Variants in ZNF423 observed in about 807,000 individuals in gnomAD.
ZNF423 encodes zinc finger protein 423.
ZNF423 carries 12 observed loss-of-function variants against 95.8 expected under a neutral mutation model. That is an observed-to-expected ratio of 0.13 (90% confidence interval 0.08 to 0.20). The LOEUF is 0.20. ZNF423 is among the 10% of genes least tolerant of loss of function. ZNF423 has a pLI of 1.00. For synonymous variants in ZNF423, 749 were observed against 711.9 expected (o/e 1.05, Z -0.83); for missense variants, 1,316 against 1,737.1 (o/e 0.76, Z 4.31).
At chr16:49,850,685 G>C (rs1247067470) in intron 1 of ZNF423, among the ~76,000 whole-genome samples, 1 of 152,168 alleles carries the variant, frequency 6.6e-6, no homozygotes, top group East Asian at 1.9e-4. Flanking sequence ...AAAAACGATG[G>C]GGCCATCAGG....
At chr16:49,854,747 C>T (rs1416402954) in intron 1 of ZNF423, 13 of 985,266 alleles carry the variant, frequency 1.3e-5, no homozygotes, top group Non-Finnish European at 1.6e-5. Context: ...GGCCTTTCCC[C>T]GGGGCCTCTA....
chr16:49,535,649 TC>T (rs941493529), intron 5 of ZNF423, among the ~76,000 whole-genome samples: 6 of 152,180 alleles, frequency 3.9e-5, no homozygotes, highest in African/African-American at 1.4e-4. Context: ...TCAGAACTTC[TC>T]TGCCTGCACA....
intron 3 of ZNF423, among the ~76,000 whole-genome samples, chr16:49,692,891 C>A (rs1265169740): frequency 1.3e-5 from 2 of 152,242 alleles, no homozygotes; most frequent in Non-Finnish European, 2.9e-5. Flanking sequence ...ATTTCCTTCA[C>A]CCCTGTGTCC....
chr16:49,815,899 TATATATATATATATA>T (rs1567356357), intron 1 of ZNF423, among the ~76,000 whole-genome samples: 4 of 49,482 alleles, frequency 8.1e-5, no homozygotes, highest in South Asian at 9.3e-4. Context: ...TATATATATA[TATATATATATATATA>T]TTTTTTTTTT....
chr16:49,552,147 G>A (rs765320371), intron 5 of ZNF423, among the ~76,000 whole-genome samples: 2 of 152,208 alleles, frequency 1.3e-5, no homozygotes, highest in African/African-American at 2.4e-5. Flanking sequence ...AACCCTCACT[G>A]TCCCACGTGC....
At chr16:49,676,590 G>T (rs545527911) in intron 3 of ZNF423, among the ~76,000 whole-genome samples, 1 of 152,166 alleles carries the variant, frequency 6.6e-6, no homozygotes, top group Non-Finnish European at 1.5e-5. Context: ...CCACCTTGCA[G>T]GTGGCCACTT....
chr16:49,750,421 G>A (rs756153115), intron 2 of ZNF423, among the ~76,000 whole-genome samples: 7 of 152,234 alleles, frequency 4.6e-5, no homozygotes, highest in Non-Finnish European at 7.3e-5. Flanking sequence ...GTGTTTCTGG[G>A]AAGCAGACTC....
intron 2 of ZNF423, among the ~76,000 whole-genome samples, chr16:49,756,693 A>G (rs1347461371): frequency 6.6e-6 from 1 of 152,168 alleles, no homozygotes; most frequent in African/African-American, 2.4e-5. Flanking sequence ...ACCTGCATGG[A>G]AAGGAGGAGG....
chr16:49,543,662 G>T (rs983304226), intron 5 of ZNF423, among the ~76,000 whole-genome samples: 1 of 152,208 alleles, frequency 6.6e-6, no homozygotes, highest in Non-Finnish European at 1.5e-5. Flanking sequence ...GGGCAGCGTG[G>T]AACCCATCAG....
intron 1 of ZNF423, among the ~76,000 whole-genome samples, chr16:49,794,850 A>G (rs1423361832): frequency 6.6e-6 from 1 of 152,168 alleles, no homozygotes; most frequent in African/African-American, 2.4e-5. Context: ...GCTCAGTGCA[A>G]ACATAGTAGC....
chr16:49,739,143 T>A (rs1412797061), intron 2 of ZNF423, among the ~76,000 whole-genome samples: 2 of 152,144 alleles, frequency 1.3e-5, no homozygotes, highest in Non-Finnish European at 2.9e-5. Context: ...ACAAGTCACT[T>A]GCCCTCTCTG....
chr16:49,754,615 G>A (rs924771201), intron 2 of ZNF423, among the ~76,000 whole-genome samples: 1 of 152,218 alleles, frequency 6.6e-6, no homozygotes, highest in African/African-American at 2.4e-5. Flanking sequence ...TGGAGGGGCA[G>A]CTCGGGCTGC....
At chr16:49,593,616 C>T (rs28609957) in intron 5 of ZNF423, among the ~76,000 whole-genome samples, 74,577 of 151,636 alleles carry the variant, frequency 0.49, 19,631 homozygotes, top group African/African-American at 0.69. Flanking sequence ...TGACTCTCTG[C>T]CTGCAACCAA....
chr16:49,525,261 T>A (rs1968557769), intron 6 of ZNF423, 102 bp downstream of exon 6: 2 of 1,531,312 alleles, frequency 1.3e-6, no homozygotes, highest in Non-Finnish European at 1.8e-6. Flanking sequence ...ATAACAGGCC[T>A]GCCAAGGAAA....
At chr16:49,497,955 A>G (rs567273375) in intron 7 of ZNF423, among the ~76,000 whole-genome samples, 12 of 152,328 alleles carry the variant, frequency 7.9e-5, no homozygotes, top group Admixed American at 1.3e-4. Context: ...AGGACTTCCA[A>G]TAGGAGATGC....
chr16:49,717,961 A>T (rs985823687), intron 3 of ZNF423, among the ~76,000 whole-genome samples: 3 of 152,168 alleles, frequency 2.0e-5, no homozygotes, highest in African/African-American at 7.2e-5. Context: ...CCACAGAGGG[A>T]GGGGACCAAC....
At chr16:49,795,130 C>A (rs2034478021) in intron 1 of ZNF423, among the ~76,000 whole-genome samples, 1 of 152,178 alleles carries the variant, frequency 6.6e-6, no homozygotes, top group African/African-American at 2.4e-5. Flanking sequence ...CCTCAGCCTC[C>A]CAAAGTGCTG....
chr16:49,570,603 A>C lies in ZNF423; in HGVS notation c.3602-45109T>G, dbSNP rs182732554. 2.1e-4 allele frequency among the ~76,000 whole-genome samples: 32 copies of C among 152,108 alleles called. No individual in the cohort carries two copies. The East Asian group carries it at 5.6e-3, about 27-fold the overall frequency. ...CAAAACAGTATGCTTAATTACCACA[A>C]CCTCTTCCCCAACCAAACCACTTAA... is the stretch of plus-strand genomic sequence containing the variant. On this transcript the variant is annotated intron_variant, in intron 5 of 7. Coordinates refer to ENST00000563137, the MANE Select transcript of ZNF423 (RefSeq NM_001379286.1).
chr16:49,694,425 A>G (rs1461806219), intron 3 of ZNF423, among the ~76,000 whole-genome samples: 8 of 152,236 alleles, frequency 5.3e-5, no homozygotes, highest in Non-Finnish European at 1.0e-4. Context: ...CACTAGCAGT[A>G]GAATTGGATT....
Sources: gnomAD v4.1 joint callset for allele counts (sites outside exome capture counted in the v4.1 genomes callset) on GRCh38, gnomAD v4.1.1 for gene constraint, MANE v1.5 for transcripts, NCBI Gene and HGNC (gene_info 2026-07-23, HGNC 2026-07-21) for gene names.